Variants in STAU2 observed in about 807,000 individuals in gnomAD.
STAU2 encodes the protein staufen double-stranded RNA binding protein 2.
STAU2 carries 20 observed loss-of-function variants against 65.9 expected under a neutral mutation model. The observed-to-expected ratio is 0.30, with a 90% CI of 0.21 to 0.44. STAU2 has a LOEUF of 0.44. STAU2 is among the 20% of genes least tolerant of loss of function. The pLI is 1.00. For missense variants in STAU2, 558 were observed against 683.9 expected (o/e 0.82, Z 2.05); for synonymous variants, 232 against 233.9 (o/e 0.99, Z 0.07).
intron 12 of STAU2, among the ~76,000 whole-genome samples, chr8:73,566,837 C>A (rs1333974472): frequency 6.6e-6 from 1 of 152,220 alleles, no homozygotes; most frequent in Non-Finnish European, 1.5e-5. Context: ...GTCTTTCAGA[C>A]AGACTGCATT....
At chr8:73,691,297 T>A (rs1329951540) in intron 4 of STAU2, among the ~76,000 whole-genome samples, 3 of 152,212 alleles carry the variant, frequency 2.0e-5, no homozygotes, top group African/African-American at 7.2e-5. Context: ...GGTTCAAACC[T>A]CATTAGTTTC....
In STAU2 at chr8:73,687,366, A is replaced by AAAATT. The variant is rs1229911059; in HGVS notation, c.274+1287_274+1288insAATTT. On this transcript the variant is annotated intron_variant, in intron 5 of 14. Coordinates refer to ENST00000524300, the MANE Select transcript of STAU2 (RefSeq NM_001164380.2). The stretch of plus-strand genomic sequence containing the variant: ...TATTTATAATTTATATAATATAAAT[A>AAAATT]TAATTTATAATTTATATTTATAAAA... Among the ~76,000 whole-genome samples, 11 of 4,874 alleles carry AAAATT rather than the reference A, an allele frequency of 2.3e-3. No homozygotes were observed. In the East Asian group the frequency reaches 0.042, roughly 18 times the overall value. The allele number at this position is 4,874 out of a possible 152,430, so 3.2% of individuals were successfully genotyped here.
intron 4 of STAU2, among the ~76,000 whole-genome samples, chr8:73,689,904 T>C (rs1482288059): frequency 6.6e-6 from 1 of 151,624 alleles, no homozygotes; most frequent in Admixed American, 6.6e-5. Flanking sequence ...ATGTTTAATC[T>C]GAATCTAATC....
At chr8:73,549,157 T>C (rs1277229153) in intron 13 of STAU2, among the ~76,000 whole-genome samples, 3 of 152,160 alleles carry the variant, frequency 2.0e-5, no homozygotes, top group African/African-American at 7.2e-5. Context: ...GACTACAACT[T>C]TGAATGAGTT....
intron 5 of STAU2, among the ~76,000 whole-genome samples, chr8:73,678,512 G>C (rs1429017178): frequency 1.3e-5 from 2 of 151,938 alleles, no homozygotes; most frequent in African/African-American, 4.8e-5. Context: ...AACTACTTCA[G>C]TCCATGTTTA....
chr8:73,655,343 C>CAT (rs1816270625), intron 6 of STAU2, among the ~76,000 whole-genome samples: 1 of 152,140 alleles, frequency 6.6e-6, no homozygotes, highest in African/African-American at 2.4e-5. Context: ...CTGACATCCA[C>CAT]CTTTATCTAC....
rs569636305 is a variant in STAU2 at position 73,448,888 on chromosome 8, G to T, written c.1531-26186C>A. ...CCTGCCGTGGGCGCTAGGGGCCAGT[G>T]CTCAGCGCGGGAATATTCCCACCGC... On this transcript the variant is annotated intron_variant, in intron 13 of 14. Transcript: ENST00000524300. Among the ~76,000 whole-genome samples the T allele has an allele frequency of 1.2e-4, 18 of 152,372 alleles. No individual in the cohort carries two copies. In the South Asian group the frequency reaches 3.5e-3, roughly 30 times the overall value.
chr8:73,534,333 A>C (rs1806042165), intron 13 of STAU2, among the ~76,000 whole-genome samples: 1 of 152,230 alleles, frequency 6.6e-6, no homozygotes, highest in Non-Finnish European at 1.5e-5. Flanking sequence ...CCAAATCTTA[A>C]GACAAAATAG....
intron 13 of STAU2, among the ~76,000 whole-genome samples, chr8:73,480,578 GGA>G (rs1820555188): frequency 6.6e-6 from 1 of 152,074 alleles, no homozygotes; most frequent in African/African-American, 2.4e-5. Flanking sequence ...CCCCAAAAGT[GGA>G]CATGTCAAAT....
At chr8:73,575,963 T>C (rs1249238298) in intron 12 of STAU2, among the ~76,000 whole-genome samples, 1 of 152,060 alleles carries the variant, frequency 6.6e-6, no homozygotes, top group Non-Finnish European at 1.5e-5. Context: ...ATAAAATTAA[T>C]GAAATAGTGG....
rs568979070 is a variant in STAU2 at position 73,431,975 on chromosome 8, T to C, written c.1531-9273A>G. On this transcript the variant is annotated intron_variant, in intron 13 of 14. Transcript: ENST00000524300. Reference sequence around the variant, plus strand: ...AACATGTGGGTATTAACTTATCCCCTTGTGACACGTAGTTCTTTGTGGAGT... The same window carrying C: ...AACATGTGGGTATTAACTTATCCCCCTGTGACACGTAGTTCTTTGTGGAGT... Among the ~76,000 whole-genome samples, 10 of 152,358 alleles carry C rather than the reference T, an allele frequency of 6.6e-5. No homozygotes were observed. The East Asian group carries it at 1.9e-3, about 29-fold the overall frequency.
chr8:73,723,823 T>C (rs1821850042), intron 3 of STAU2, among the ~76,000 whole-genome samples: 1 of 152,256 alleles, frequency 6.6e-6, no homozygotes, highest in Non-Finnish European at 1.5e-5. Flanking sequence ...TGTGTCAATT[T>C]TGACGGAAGA....
At chr8:73,451,710 A>C (rs958443199) in intron 13 of STAU2, among the ~76,000 whole-genome samples, 1 of 152,052 alleles carries the variant, frequency 6.6e-6, no homozygotes, top group African/African-American at 2.4e-5. Context: ...GGAGGAGAAC[A>C]AGGGCTGTTT....
chr8:73,616,057 A>T (rs559565486), intron 7 of STAU2, among the ~76,000 whole-genome samples: 2 of 152,274 alleles, frequency 1.3e-5, no homozygotes, highest in South Asian at 4.2e-4. Flanking sequence ...TTTAGCCTAC[A>T]TCCCTAAACC....
At chr8:73,734,239 T>TG (rs1273753475) in intron 3 of STAU2, among the ~76,000 whole-genome samples, 4 of 149,804 alleles carry the variant, frequency 2.7e-5, no homozygotes, top group Non-Finnish European at 5.9e-5. Context: ...GTTTGTTTTT[T>TG]TTTTTTTTTG....
intron 13 of STAU2, among the ~76,000 whole-genome samples, chr8:73,433,339 G>C (rs913363197): frequency 6.6e-6 from 1 of 151,296 alleles, no homozygotes; most frequent in Non-Finnish European, 1.5e-5. Flanking sequence ...CAAGTAGCTG[G>C]GACTACAGGC....
chr8:73,668,216 T>C (rs7824970), intron 6 of STAU2, among the ~76,000 whole-genome samples: 41,970 of 151,906 alleles, frequency 0.28, 6,304 homozygotes, highest in East Asian at 0.46. Context: ...AAATGGGAAT[T>C]GGCTTATTTG....
At chr8:73,481,139 A>C (rs76182777) in intron 13 of STAU2, among the ~76,000 whole-genome samples, 3,027 of 133,494 alleles carry the variant, frequency 0.023, 91 homozygotes, top group African/African-American at 0.072. Flanking sequence ...CTCCTGTCCA[A>C]TTGCCTTTCA....
chr8:73,559,323 A>G (rs912152799), intron 12 of STAU2, among the ~76,000 whole-genome samples: 4 of 152,210 alleles, frequency 2.6e-5, no homozygotes, highest in Non-Finnish European at 4.4e-5. Context: ...AGACCCCAGA[A>G]CAGGGTGGTG....
Sources: allele counts gnomAD v4.1 joint callset (sites outside exome capture counted in the v4.1 genomes callset), GRCh38; gene constraint gnomAD v4.1.1; transcripts MANE v1.5; gene names NCBI Gene and HGNC (gene_info 2026-07-23, HGNC 2026-07-21).